The following NKAIN1 variants were observed in gnomAD, a reference collection of about 807,000 sequenced individuals.
The protein encoded by NKAIN1 is sodium/potassium-transporting ATPase subunit beta-1-interacting protein 1.
NKAIN1 carries 13 observed loss-of-function variants against 31.6 expected under a neutral mutation model. The ratio of observed to expected loss-of-function variants is 0.41; its 90% confidence interval spans 0.27 to 0.65. The LOEUF (loss-of-function observed/expected upper bound fraction) is 0.65. NKAIN1 is among the 30% of genes least tolerant of loss of function. NKAIN1 has a pLI of 0.30. For synonymous variants in NKAIN1, 104 were observed against 109.0 expected (o/e 0.95, Z 0.28); for missense variants, 193 against 262.2 (o/e 0.74, Z 1.82).
chr1:31,213,831 C>CA (rs1489145964), intron 1 of NKAIN1, among the ~76,000 whole-genome samples: 1 of 151,520 alleles, frequency 6.6e-6, no homozygotes, highest in East Asian at 1.9e-4. Context: ...CCTGTCTCCA[C>CA]AAAAATTTAA....
At chr1:31,235,548 G>A (rs1014287120) in intron 1 of NKAIN1, among the ~76,000 whole-genome samples, 10 of 151,988 alleles carry the variant, frequency 6.6e-5, no homozygotes, top group African/African-American at 2.4e-4. Flanking sequence ...AGGTGGGAAG[G>A]TCACTTGAGC....
intron 1 of NKAIN1, among the ~76,000 whole-genome samples, chr1:31,206,582 C>T (rs1440214265): frequency 6.6e-6 from 1 of 151,036 alleles, no homozygotes; most frequent in Non-Finnish European, 1.5e-5. Context: ...ACCACAGGTG[C>T]ACACCGCTAC....
chr1:31,198,358 C>T (rs904625817), intron 1 of NKAIN1, among the ~76,000 whole-genome samples: 7 of 152,164 alleles, frequency 4.6e-5, no homozygotes, highest in African/African-American at 1.7e-4. Context: ...GCATTCTAAC[C>T]AATGACTCAG....
intron 1 of NKAIN1, among the ~76,000 whole-genome samples, chr1:31,230,762 A>AG (rs142811876): frequency 0.39 from 59,558 of 151,760 alleles, 14,289 homozygotes; most frequent in Non-Finnish European, 0.55. Context: ...ATATATATTT[A>AG]GGGGGCACAT....
chr1:31,234,139 CACAAAAGGGAGT>C (rs1645677764), intron 1 of NKAIN1, among the ~76,000 whole-genome samples: 1 of 152,226 alleles, frequency 6.6e-6, no homozygotes, highest in Admixed American at 6.5e-5. Flanking sequence ...TCTGTTCATT[CACAAAAGGGAGT>C]TGATCATCCC....
chr1:31,211,226 T>C (rs900456155), intron 1 of NKAIN1, among the ~76,000 whole-genome samples: 4 of 152,204 alleles, frequency 2.6e-5, no homozygotes, highest in Admixed American at 6.5e-5. Flanking sequence ...TATTTGCTAA[T>C]TGCAGATTAC....
intron 1 of NKAIN1, among the ~76,000 whole-genome samples, chr1:31,218,090 T>A (rs757952512): frequency 3.3e-4 from 49 of 147,584 alleles, no homozygotes; most frequent in Non-Finnish European, 5.9e-4. Flanking sequence ...TGAGATGGAG[T>A]CTCGCTCTGT....
chr1:31,201,002 T>A (rs1246022445), intron 1 of NKAIN1, among the ~76,000 whole-genome samples: 1 of 151,998 alleles, frequency 6.6e-6, no homozygotes, highest in Non-Finnish European at 1.5e-5. Context: ...CTGGCTAATT[T>A]TTGTATTTTT....
intron 1 of NKAIN1, among the ~76,000 whole-genome samples, chr1:31,213,362 T>A (rs1487034372): frequency 6.6e-6 from 1 of 152,168 alleles, no homozygotes; most frequent in Non-Finnish European, 1.5e-5. Flanking sequence ...ATTTGGGAAA[T>A]GCAAATCAAA....
chr1:31,222,802 C>T (rs372088892), intron 1 of NKAIN1, among the ~76,000 whole-genome samples: 10 of 152,176 alleles, frequency 6.6e-5, no homozygotes, highest in African/African-American at 2.4e-4. Flanking sequence ...GGGTTAGAGT[C>T]CTGAACAAAT....
chr1:31,230,139 A>G (rs905082591), intron 1 of NKAIN1, among the ~76,000 whole-genome samples: 17 of 152,110 alleles, frequency 1.1e-4, no homozygotes, highest in African/African-American at 4.1e-4. Context: ...GAGTCATCTC[A>G]TTTCCTACCC....
At position 31,200,956 on chromosome 1, in the gene NKAIN1, C is replaced by T. The variant is rs7529636; in HGVS notation, c.55-12769G>A. Among the ~76,000 whole-genome samples the T allele has an allele frequency of 6.9e-3, 1,056 of 152,238 alleles. 9 individuals are homozygous for T. The highest frequency in any genetic ancestry group is 9.5e-3 in the Non-Finnish European group (647 of 68,016). On this transcript the variant is annotated intron_variant, in intron 1 of 6. Transcript: ENST00000373736. ...TCAAGCAATTCTCTGCCTCAGCCTC[C>T]TGAGTAGCTGGGATTACAGGTGACT...
At chr1:31,184,198 G>C (rs1645225334) in intron 3 of NKAIN1, among the ~76,000 whole-genome samples, 184 bp from the exon 4 acceptor site, 2 of 152,168 alleles carry the variant, frequency 1.3e-5, no homozygotes, top group South Asian at 4.1e-4. Context: ...CACTGAGATG[G>C]GAAGGGGTTT....
At chr1:31,197,172 C>T (rs1046284795) in intron 1 of NKAIN1, among the ~76,000 whole-genome samples, 8 of 148,980 alleles carry the variant, frequency 5.4e-5, no homozygotes, top group African/African-American at 1.7e-4. Context: ...AGTGCAGTGG[C>T]ACAATCTCGG....
intron 1 of NKAIN1, among the ~76,000 whole-genome samples, chr1:31,218,036 C>CTTTCT (rs1553163615): frequency 7.9e-6 from 1 of 126,784 alleles, no homozygotes; most frequent in South Asian, 2.8e-4. Flanking sequence ...TTCTTTCTTT[C>CTTTCT]TTTCTTTCTT....
intron 3 of NKAIN1, among the ~76,000 whole-genome samples, chr1:31,184,917 T>C (rs994110371): frequency 1.3e-5 from 2 of 152,180 alleles, no homozygotes; most frequent in Non-Finnish European, 2.9e-5. Context: ...CCTCCCTTGC[T>C]CTGAATACTC....
At chr1:31,229,437 C>A (rs1239947335) in intron 1 of NKAIN1, among the ~76,000 whole-genome samples, 1 of 152,112 alleles carries the variant, frequency 6.6e-6, no homozygotes, top group Non-Finnish European at 1.5e-5. Flanking sequence ...TGCAGTGGTA[C>A]AATCATGGCT....
At chr1:31,217,161 G>A (rs574410062) in intron 1 of NKAIN1, among the ~76,000 whole-genome samples, 25 of 151,392 alleles carry the variant, frequency 1.7e-4, no homozygotes, top group African/African-American at 5.3e-4. Context: ...CCACCGTGCC[G>A]CGGCATTGAC....
rs1217646774 is a variant in NKAIN1, at chr1:31,232,425, A to G, written c.54+7069T>C. Among the ~76,000 whole-genome samples the G allele has an allele frequency of 4.9e-3, 93 of 18,816 alleles. 3 individuals carry two copies. Among genetic ancestry groups the G allele is most frequent in the African/African-American group, 0.024 (90 of 3,784 alleles). The allele number at this position is 18,816 out of a possible 152,430, so 12.3% of individuals were successfully genotyped here. A position where few individuals can be genotyped will look rare whatever the true frequency, so the allele number is the denominator to read the frequency against. On this transcript the variant is annotated intron_variant, in intron 1 of 6. Transcript: ENST00000373736. ...TATATATATATATATATATATATAT[A>G]GAGAGAGAGAGAGAGAGAGAGAGAG...
Sources: allele counts gnomAD v4.1 joint callset (sites outside exome capture counted in the v4.1 genomes callset), GRCh38; gene constraint gnomAD v4.1.1; transcripts MANE v1.5; gene names NCBI Gene and HGNC (gene_info 2026-07-23, HGNC 2026-07-21).